Variants in MGMT observed in about 807,000 individuals in gnomAD.
MGMT encodes the protein methylated-DNA--protein-cysteine methyltransferase.
In MGMT, 14 loss-of-function variants were observed where a neutral mutation model predicts 15.9. The ratio of observed to expected loss-of-function variants is 0.88; its 90% confidence interval spans 0.58 to 1.37. The LOEUF (loss-of-function observed/expected upper bound fraction) is 1.37, where lower values mean the gene tolerates loss of function less well. MGMT is among the 40% of genes most tolerant of loss of function. The pLI is 0.00. For missense variants in MGMT, 282 were observed against 268.1 expected, an observed-to-expected ratio of 1.05 and a Z score of -0.36; for synonymous variants, 130 against 118.2, an observed-to-expected ratio of 1.10 and a Z score of -0.65.
At chr10:129,657,991 G>T (rs1012262928) in intron 2 of MGMT, among the ~76,000 whole-genome samples, 22 of 152,110 alleles carry the variant, frequency 1.4e-4, no homozygotes, top group African/African-American at 5.1e-4. Flanking sequence ...GTGGTGTTGA[G>T]ATTGGTAGTT....
chr10:129,708,050 A>G lies in MGMT; in HGVS notation c.274+7A>G. On this transcript the variant is annotated splice_region_variant and intron_variant, in intron 3 of 4. Transcript: ENST00000651593. The stretch of plus-strand genomic sequence containing the variant: ...CATCCCGTTTTCCAGCAAGGTCGGT[A>G]ACTAAGCCATCTGCGGTGTTTCCTT... 6.2e-7 allele frequency: 1 copy of G among 1,610,202 alleles called. No homozygotes were observed. The highest frequency in any genetic ancestry group is 1.3e-5 in the African/African-American group (1 of 74,812).
chr10:129,622,163 C>T (rs574461063), intron 2 of MGMT, among the ~76,000 whole-genome samples: 66 of 152,310 alleles, frequency 4.3e-4, no homozygotes, highest in African/African-American at 1.5e-3. Context: ...TGCTTTGAGA[C>T]GGAATACCTG....
At chr10:129,680,884 G>C (rs921929772) in intron 2 of MGMT, among the ~76,000 whole-genome samples, 2 of 152,184 alleles carry the variant, frequency 1.3e-5, no homozygotes, top group Non-Finnish European at 2.9e-5. Flanking sequence ...CCTTGGGCAC[G>C]CTGTGTGGAC....
intron 2 of MGMT, among the ~76,000 whole-genome samples, chr10:129,547,986 G>A (rs929700764): frequency 2.6e-5 from 4 of 152,216 alleles, no homozygotes; most frequent in Non-Finnish European, 5.9e-5. Flanking sequence ...GCACAAGGTC[G>A]CCAGGCAAGG....
At chr10:129,734,752 TGA>T (rs1303912501) in intron 3 of MGMT, among the ~76,000 whole-genome samples, 1 of 152,186 alleles carries the variant, frequency 6.6e-6, no homozygotes, top group Non-Finnish European at 1.5e-5. Flanking sequence ...CCTAATTTAT[TGA>T]GAGTTTTTAG....
intron 1 of MGMT, among the ~76,000 whole-genome samples, chr10:129,524,281 C>G (rs1012125143): frequency 2.6e-5 from 4 of 152,188 alleles, no homozygotes; most frequent in African/African-American, 9.6e-5. Flanking sequence ...AACAAACAAA[C>G]AAAAACAACT....
chr10:129,765,943 T>C (rs369239263), intron 4 of MGMT, among the ~76,000 whole-genome samples: 13 of 152,270 alleles, frequency 8.5e-5, no homozygotes, highest in African/African-American at 2.6e-4. Flanking sequence ...GCTCCTCCTG[T>C]CTACACAGCT....
In MGMT at chr10:129,736,494, A is replaced by G. The variant is rs922597656; in HGVS notation, c.275-22708A>G. 9.5e-3 allele frequency among the ~76,000 whole-genome samples: 1,389 copies of G among 146,332 alleles called. 23 individuals carry two copies. Among genetic ancestry groups the G allele is most frequent in the African/African-American group, 0.03 (1,236 of 40,660 alleles). On this transcript the variant is annotated intron_variant, in intron 3 of 4. Transcript: ENST00000651593. ...TGGGTTTCCTGAATACAGCACACTG[A>G]TGGGTCTTGACTCTTTATCCAATTT...
intron 2 of MGMT, among the ~76,000 whole-genome samples, chr10:129,551,399 A>T (rs1846154970): frequency 6.6e-6 from 1 of 152,052 alleles, no homozygotes; most frequent in Non-Finnish European, 1.5e-5. Flanking sequence ...GGAAAGACAG[A>T]AGGCCCCGGG....
At chr10:129,701,063 T>G (rs1035315072) in intron 2 of MGMT, 1 of 152,196 alleles carries the variant, frequency 6.6e-6, no homozygotes, top group African/African-American at 2.4e-5. Context: ...TGGAAAATGT[T>G]GCTCATCACC....
chr10:129,725,039 C>G (rs993280831), intron 3 of MGMT, among the ~76,000 whole-genome samples: 6 of 152,190 alleles, frequency 3.9e-5, no homozygotes, highest in Non-Finnish European at 5.9e-5. Flanking sequence ...CCTGCAGGAT[C>G]GGGTGGATAC....
chr10:129,708,010 G>T lies in MGMT; in HGVS notation c.241G>T (p.Val81Leu), dbSNP rs140112379. The T allele has an allele frequency of 6.2e-7, 1 of 1,613,548 alleles. No individual in the cohort carries two copies. The highest frequency in any genetic ancestry group is 8.5e-7 in the Non-Finnish European group (1 of 1,179,920). ...GCCCGAGGCTATCGAAGAGTTCCCC[G>T]TGCCGGCTCTTCACCATCCCGTTTT... ...HQPEAIEEFPVPALHHPVFQQ... is the reference protein window; with the variant it reads ...HQPEAIEEFPLPALHHPVFQQ... Residue 81 changes from valine to leucine, a missense_variant, in exon 3 of 5, where the codon GTG (valine) becomes TTG (leucine). Val to Leu is a conservative substitution (Grantham distance 32). Coordinates refer to ENST00000651593, the MANE Select transcript of MGMT (RefSeq NM_002412.5).
chr10:129,737,456 T>C (rs1408639379), intron 3 of MGMT, among the ~76,000 whole-genome samples: 2 of 152,154 alleles, frequency 1.3e-5, no homozygotes, highest in African/African-American at 2.4e-5. Flanking sequence ...TACATTCTTC[T>C]AAATTTTTTT....
At chr10:129,591,925 C>T (rs1043695779) in intron 2 of MGMT, among the ~76,000 whole-genome samples, 4 of 152,010 alleles carry the variant, frequency 2.6e-5, no homozygotes, top group Admixed American at 6.5e-5. Flanking sequence ...AGCGAGACTC[C>T]GTCTCAAAAA....
intron 2 of MGMT, among the ~76,000 whole-genome samples, chr10:129,683,414 G>T (rs1252000345): frequency 6.6e-6 from 1 of 152,148 alleles, no homozygotes; most frequent in East Asian, 1.9e-4. Flanking sequence ...TCATTACCTA[G>T]TATTTGAACA....
At chr10:129,652,214 C>T (rs879907193) in intron 2 of MGMT, among the ~76,000 whole-genome samples, 5 of 152,198 alleles carry the variant, frequency 3.3e-5, no homozygotes, top group African/African-American at 7.2e-5. Flanking sequence ...CTCGGGGGGC[C>T]GGCCATGCGG....
chr10:129,646,750 A>ATTTTTTTTT (rs1335109530), intron 2 of MGMT, among the ~76,000 whole-genome samples: 35 of 75,876 alleles, frequency 4.6e-4, no homozygotes, highest in Non-Finnish European at 9.4e-4. Flanking sequence ...ATATATATAT[A>ATTTTTTTTT]TATATTTTCA....
chr10:129,476,981 T>C (rs778355863), intron 1 of MGMT, among the ~76,000 whole-genome samples: 2 of 152,126 alleles, frequency 1.3e-5, no homozygotes, highest in Non-Finnish European at 2.9e-5. Context: ...TCCCCGCCTG[T>C]GGACCCCTCT....
chr10:129,707,960 C>G lies in MGMT; in HGVS notation c.191C>G (p.Ala64Gly), dbSNP rs1437362833. ...CCGGAGCCCCTGATGCAGTGCACAG[C>G]CTGGCTGAATGCCTATTTCCACCAG... ...GGPEPLMQCT[A>G]WLNAYFHQPE... is the part of the protein sequence containing the mutation. Residue 64 changes from alanine (A) to glycine (G), a missense_variant, in exon 3 of 5, where the codon GCC (alanine) becomes GGC (glycine). Ala to Gly is a moderately conservative substitution (Grantham distance 60). Coordinates refer to ENST00000651593, the MANE Select transcript of MGMT (RefSeq NM_002412.5). 1 of 1,613,510 alleles carries G rather than the reference C, an allele frequency of 6.2e-7. No individual in the cohort carries two copies. Among genetic ancestry groups the G allele is most frequent in the East Asian group, 2.2e-5 (1 of 44,874 alleles).
Sources: allele counts gnomAD v4.1 joint callset (sites outside exome capture counted in the v4.1 genomes callset), GRCh38; gene constraint gnomAD v4.1.1; transcripts MANE v1.5; gene names NCBI Gene and HGNC (gene_info 2026-07-23, HGNC 2026-07-21).